RAPGEF4: variants seen among roughly 807,000 people sequenced by gnomAD.
RAPGEF4 encodes Rap guanine nucleotide exchange factor 4, also known as RAP guanine-nucleotide-exchange factor (GEF) 4.
RAPGEF4 carries 66 observed loss-of-function variants against 147.9 expected under a neutral mutation model. The observed-to-expected ratio is 0.45, with a 90% CI of 0.37 to 0.55. The LOEUF is 0.55. Among genes scored for constraint, RAPGEF4 ranks in the 20% least tolerant of loss-of-function variants. The pLI is 0.00. For missense variants in RAPGEF4, 1,071 were observed against 1,257.3 expected (o/e 0.85, Z 2.24); for synonymous variants, 419 against 442.7 (o/e 0.95, Z 0.67).
intron 4 of RAPGEF4, among the ~76,000 whole-genome samples, chr2:172,847,658 G>A (rs1052033541): frequency 1.3e-5 from 2 of 152,210 alleles, no homozygotes; most frequent in African/African-American, 2.4e-5. Flanking sequence ...TTTATTGGTG[G>A]CCAGTACTGG....
chr2:172,857,001 A>C (rs1296501317), intron 4 of RAPGEF4, among the ~76,000 whole-genome samples: 2 of 119,964 alleles, frequency 1.7e-5, no homozygotes, highest in African/African-American at 3.2e-5. Context: ...GCCTGTTCTC[A>C]GTCATTCTCC....
At chr2:172,761,606 A>G (rs910974968) in intron 1 of RAPGEF4, among the ~76,000 whole-genome samples, 11 of 152,326 alleles carry the variant, frequency 7.2e-5, no homozygotes, top group African/African-American at 2.2e-4. Flanking sequence ...AAGAATTACT[A>G]AAAGAAGTTC....
At chr2:173,010,868 G>A (rs1327455797) in intron 17 of RAPGEF4, among the ~76,000 whole-genome samples, 1 of 152,142 alleles carries the variant, frequency 6.6e-6, no homozygotes, top group African/African-American at 2.4e-5. Context: ...GAATCCTTTA[G>A]CAATGCCTGG....
At chr2:172,809,041 T>C (rs1687766437) in intron 3 of RAPGEF4, among the ~76,000 whole-genome samples, 1 of 152,214 alleles carries the variant, frequency 6.6e-6, no homozygotes, top group Admixed American at 6.5e-5. Flanking sequence ...TGCTCATGAC[T>C]TAACTTCAGC....
intron 4 of RAPGEF4, among the ~76,000 whole-genome samples, chr2:172,916,307 A>G (rs1684066013): frequency 6.6e-6 from 1 of 152,228 alleles, no homozygotes; most frequent in African/African-American, 2.4e-5. Context: ...TCAATTTAAC[A>G]GGAAGTATTT....
intron 4 of RAPGEF4, among the ~76,000 whole-genome samples, chr2:172,907,033 T>G (rs1467033870): frequency 2.6e-5 from 4 of 152,248 alleles, no homozygotes; most frequent in African/African-American, 9.6e-5. Context: ...GGCTCAAGGC[T>G]TGTTCAGCAG....
chr2:172,868,445 A>G (rs1694856939), intron 4 of RAPGEF4, among the ~76,000 whole-genome samples: 2 of 152,172 alleles, frequency 1.3e-5, no homozygotes, highest in South Asian at 2.1e-4. Context: ...CTACTTTTTC[A>G]TTCTATGTTT....
intron 6 of RAPGEF4, among the ~76,000 whole-genome samples, chr2:172,957,702 C>T (rs985848130): frequency 8.5e-5 from 13 of 152,174 alleles, no homozygotes; most frequent in Non-Finnish European, 5.9e-5. Flanking sequence ...CATCATGTTG[C>T]CCCTAAACCT....
chr2:172,780,727 T>C (rs769143080), intron 1 of RAPGEF4, among the ~76,000 whole-genome samples: 6 of 152,230 alleles, frequency 3.9e-5, no homozygotes, highest in African/African-American at 7.2e-5. Flanking sequence ...TGTGGTACCA[T>C]TTCACTGTGT....
intron 1 of RAPGEF4, among the ~76,000 whole-genome samples, chr2:172,747,654 A>G (rs1049100843): frequency 6.6e-6 from 1 of 152,130 alleles, no homozygotes; most frequent in African/African-American, 2.4e-5. Flanking sequence ...TAGTAGAGAC[A>G]TGGTCTTGCT....
intron 3 of RAPGEF4, among the ~76,000 whole-genome samples, chr2:172,798,426 A>C (rs985044874): frequency 6.6e-6 from 1 of 152,178 alleles, no homozygotes; most frequent in African/African-American, 2.4e-5. Context: ...AAGAATCTCG[A>C]GTCTGAAAAG....
intron 1 of RAPGEF4, among the ~76,000 whole-genome samples, chr2:172,786,837 G>A (rs1685256497): frequency 6.6e-6 from 1 of 152,094 alleles, no homozygotes; most frequent in Non-Finnish European, 1.5e-5. Flanking sequence ...AATCATGCCT[G>A]TATATGGCCA....
At chr2:172,784,493 G>A (rs2149518691) in intron 1 of RAPGEF4, among the ~76,000 whole-genome samples, 1 of 151,136 alleles carries the variant, frequency 6.6e-6, no homozygotes, top group African/African-American at 2.4e-5. Flanking sequence ...ACTCCAGCCT[G>A]GGCAACAGAG....
chr2:173,030,112 T>TA, intron 25 of RAPGEF4, 52 bp from the exon 26 acceptor site: 1 of 1,270,754 alleles, frequency 7.9e-7, no homozygotes, highest in Non-Finnish European at 1.1e-6. Context: ...TAATTTTTTT[T>TA]ATCTCACACA....
At chr2:172,808,771 G>C (rs866137041) in intron 3 of RAPGEF4, among the ~76,000 whole-genome samples, 6 of 152,204 alleles carry the variant, frequency 3.9e-5, no homozygotes, top group African/African-American at 1.2e-4. Context: ...CCACAGGTCA[G>C]TCATTGGCAG....
chr2:172,872,199 T>C (rs2149813771), intron 4 of RAPGEF4, among the ~76,000 whole-genome samples: 1 of 152,332 alleles, frequency 6.6e-6, no homozygotes, highest in East Asian at 1.9e-4. Context: ...ATCAAATGCA[T>C]TTGTTAGTTG....
At chr2:173,021,575 G>A (rs776017653) in intron 23 of RAPGEF4, among the ~76,000 whole-genome samples, 2 of 152,074 alleles carry the variant, frequency 1.3e-5, no homozygotes, top group African/African-American at 2.4e-5. Context: ...GCAACAGAGC[G>A]AGACTCTGCC....
intron 4 of RAPGEF4, among the ~76,000 whole-genome samples, chr2:172,883,173 A>G (rs1484875953): frequency 6.6e-6 from 1 of 152,214 alleles, no homozygotes; most frequent in Non-Finnish European, 1.5e-5. Flanking sequence ...CTGTAACAGA[A>G]TATATGAGAC....
chr2:172,961,568 C>G (rs1689299741), intron 8 of RAPGEF4, among the ~76,000 whole-genome samples: 1 of 152,148 alleles, frequency 6.6e-6, no homozygotes, highest in Non-Finnish European at 1.5e-5. Flanking sequence ...TATTTATACT[C>G]AAAGACCTGT....
Sources: allele counts gnomAD v4.1 joint callset (sites outside exome capture counted in the v4.1 genomes callset), GRCh38; gene constraint gnomAD v4.1.1; transcripts MANE v1.5; gene names NCBI Gene and HGNC (gene_info 2026-07-23, HGNC 2026-07-21).